NDST4: variants seen among roughly 807,000 people sequenced by gnomAD.
NDST4 encodes N-heparan sulfate sulfotransferase 4.
Under a neutral mutation model 100.8 loss-of-function variants are expected in NDST4, and 63 were observed. That is an observed-to-expected ratio of 0.62 (90% CI 0.51 to 0.77). The LOEUF (loss-of-function observed/expected upper bound fraction) is 0.77, where lower values mean the gene tolerates loss of function less well. NDST4 is among the 30% of genes least tolerant of loss of function. The pLI is 0.00. For missense variants in NDST4, 943 were observed against 1,018.4 expected (o/e 0.93, Z 1.01); for synonymous variants, 377 against 361.8 (o/e 1.04, Z -0.48).
At chr4:114,948,897 G>T (rs1020280771) in intron 4 of NDST4, among the ~76,000 whole-genome samples, 1 of 152,126 alleles carries the variant, frequency 6.6e-6, no homozygotes, top group East Asian at 1.9e-4. Context: ...ATGCAAAAGA[G>T]AAAAGAAAAG....
At chr4:115,102,110 T>C (rs1182662190) in intron 1 of NDST4, among the ~76,000 whole-genome samples, 1 of 152,198 alleles carries the variant, frequency 6.6e-6, no homozygotes, top group Non-Finnish European at 1.5e-5. Context: ...CCAGCAGCAA[T>C]GATTATCATC....
rs17047529 is a variant in NDST4, at chr4:114,975,597, C to T, written c.1066+1590G>A. 9.5e-3 allele frequency among the ~76,000 whole-genome samples: 1,443 copies of T among 152,168 alleles called. 24 individuals are homozygous for T. The highest frequency in any genetic ancestry group is 0.03 in the African/African-American group (1,240 of 41,512). ...GAAATGGGAAGTGGTGTATCCTCTA[C>T]AACATTAACTTTGCAAATGTCAGGC... On this transcript the variant is annotated intron_variant, in intron 3 of 13. Coordinates refer to ENST00000264363, the MANE Select transcript of NDST4 (RefSeq NM_022569.3).
intron 2 of NDST4, among the ~76,000 whole-genome samples, chr4:115,040,985 C>T (rs1241946346): frequency 1.3e-5 from 2 of 152,024 alleles, no homozygotes; most frequent in African/African-American, 4.8e-5. Context: ...AACTACGTTT[C>T]TTTCACCTTT....
At chr4:114,975,806 A>C (rs116563285) in intron 3 of NDST4, among the ~76,000 whole-genome samples, 2,271 of 152,198 alleles carry the variant, frequency 0.015, 65 homozygotes, top group African/African-American at 0.051. Context: ...TAGCCTTTAA[A>C]GCTATCTGCT....
intron 1 of NDST4, among the ~76,000 whole-genome samples, chr4:115,103,594 T>C (rs992900552): frequency 7.2e-5 from 11 of 152,288 alleles, no homozygotes; most frequent in Admixed American, 7.2e-4. Flanking sequence ...TTCTTAATTT[T>C]ACGCAACACA....
chr4:115,055,028 T>A (rs1039791755), intron 2 of NDST4, among the ~76,000 whole-genome samples: 3 of 152,032 alleles, frequency 2.0e-5, no homozygotes, highest in African/African-American at 7.2e-5. Context: ...ACTTGCATTA[T>A]CACCCGAGCG....
chr4:115,033,162 T>A (rs1416115698), intron 2 of NDST4, among the ~76,000 whole-genome samples: 32 of 144,168 alleles, frequency 2.2e-4, no homozygotes, highest in African/African-American at 8.0e-4. Context: ...TATATATTTT[T>A]TTTTTTTTTG....
At chr4:115,106,935 G>C (rs981386270) in intron 1 of NDST4, among the ~76,000 whole-genome samples, 1 of 152,086 alleles carries the variant, frequency 6.6e-6, no homozygotes, top group African/African-American at 2.4e-5. Context: ...TAGGAGGATA[G>C]CTTGAGGCCA....
intron 10 of NDST4, among the ~76,000 whole-genome samples, chr4:114,843,550 T>A (rs893603196): frequency 6.6e-6 from 1 of 152,196 alleles, no homozygotes; most frequent in African/African-American, 2.4e-5. Context: ...CCCTAATTAC[T>A]TCTTTTTTCA....
At chr4:115,063,665 C>T (rs1350796680) in intron 2 of NDST4, among the ~76,000 whole-genome samples, 2 of 151,834 alleles carry the variant, frequency 1.3e-5, no homozygotes, top group Non-Finnish European at 2.9e-5. Flanking sequence ...AAATTAATTA[C>T]AATTTATCTC....
intron 2 of NDST4, among the ~76,000 whole-genome samples, chr4:115,061,303 A>G (rs1047427977): frequency 6.6e-6 from 1 of 152,076 alleles, no homozygotes; most frequent in African/African-American, 2.4e-5. Context: ...AAATCAATCT[A>G]CTGTAAAGAC....
chr4:115,105,725 T>C (rs1729820679), intron 1 of NDST4, among the ~76,000 whole-genome samples: 1 of 152,134 alleles, frequency 6.6e-6, no homozygotes, highest in Non-Finnish European at 1.5e-5. Flanking sequence ...TTTGACTGAG[T>C]AGAATCTCAC....
chr4:114,847,416 A>AAAAAAAAAT lies in NDST4; in HGVS notation c.1940+798_1940+799insATTTTTTTT, dbSNP rs1391736224. The stretch of plus-strand genomic sequence containing the variant: ...AAAAAAAAAAAAAAAAAAAAAAAAA[A>AAAAAAAAAT]GTGTCTTTCATTGCAAACAGGTTCA... On this transcript the variant is annotated intron_variant, in intron 9 of 13. Transcript: ENST00000264363. 8.1e-4 allele frequency among the ~76,000 whole-genome samples: 84 copies of AAAAAAAAAT among 103,636 alleles called. 16 individuals carry two copies. The highest frequency in any genetic ancestry group is 2.2e-3 in the East Asian group (8 of 3,660). 68.0% of individuals were successfully genotyped at this position (103,636 alleles called of 152,430 possible). A position where few individuals can be genotyped will look rare whatever the true frequency, so the allele number is the denominator to read the frequency against.
intron 4 of NDST4, among the ~76,000 whole-genome samples, chr4:114,944,485 C>T (rs1028859920): frequency 1.3e-5 from 2 of 152,194 alleles, no homozygotes; most frequent in Non-Finnish European, 2.9e-5. Context: ...ACTCTATACC[C>T]TACTTATTCC....
chr4:115,054,637 T>C (rs1460074814), intron 2 of NDST4, among the ~76,000 whole-genome samples: 1 of 152,226 alleles, frequency 6.6e-6, no homozygotes, highest in African/African-American at 2.4e-5. Context: ...GCTAATATTT[T>C]CTTCTGACAT....
chr4:115,100,943 TAA>T (rs1729718352), intron 1 of NDST4, among the ~76,000 whole-genome samples: 1 of 151,976 alleles, frequency 6.6e-6, no homozygotes, highest in African/African-American at 2.4e-5. Flanking sequence ...TGTTGTTTGT[TAA>T]AGAGACAAGG....
Position 115,096,648 on chromosome 4 carries a change from T to C in NDST4, c.-247+16796A>G, listed in dbSNP as rs529557459. On this transcript the variant is annotated intron_variant, in intron 1 of 13. Coordinates refer to ENST00000264363, the MANE Select transcript of NDST4 (RefSeq NM_022569.3). Reference sequence around the variant, plus strand: ...TGCATTATCACTTACTCACTGAAGATATTGCTTCAGTAATACTTTTCACAC... The same window carrying C: ...TGCATTATCACTTACTCACTGAAGACATTGCTTCAGTAATACTTTTCACAC... Among the ~76,000 whole-genome samples, 7 of 152,242 alleles carry C rather than the reference T, an allele frequency of 4.6e-5. No individual in the cohort carries two copies. In the South Asian group the frequency reaches 1.5e-3, roughly 32 times the overall value.
chr4:114,930,797 A>C (rs1725495818), intron 6 of NDST4, among the ~76,000 whole-genome samples: 1 of 152,160 alleles, frequency 6.6e-6, no homozygotes, highest in Non-Finnish European at 1.5e-5. Flanking sequence ...TGAAATAATC[A>C]CAATATTATA....
intron 6 of NDST4, among the ~76,000 whole-genome samples, chr4:114,922,012 CAG>C (rs1560813750): frequency 4.6e-4 from 64 of 139,042 alleles, no homozygotes; most frequent in African/African-American, 2.2e-3. Context: ...GGTAGTTAGT[CAG>C]ACCCAGGCAG....
Sources: gnomAD v4.1 joint callset for allele counts (sites outside exome capture counted in the v4.1 genomes callset) on GRCh38, gnomAD v4.1.1 for gene constraint, MANE v1.5 for transcripts, NCBI Gene and HGNC (gene_info 2026-07-23, HGNC 2026-07-21) for gene names.